The following DIXDC1 variants were observed in gnomAD, a reference collection of about 807,000 sequenced individuals.
DIXDC1 encodes dixin.
DIXDC1 carries 64 observed loss-of-function variants against 103.1 expected under a neutral mutation model. The observed-to-expected ratio is 0.62, with a 90% CI of 0.51 to 0.76. The LOEUF (loss-of-function observed/expected upper bound fraction) is 0.76. Among genes scored for constraint, DIXDC1 ranks in the 30% least tolerant of loss-of-function variants. The pLI, the probability that DIXDC1 is intolerant of heterozygous loss-of-function variation, is 0.00. For missense variants in DIXDC1, 759 were observed against 834.2 expected (o/e 0.91, Z 1.11); for synonymous variants, 266 against 298.5 (o/e 0.89, Z 1.12).
At chr11:112,016,321 T>C (rs1291686867) in intron 17 of DIXDC1, among the ~76,000 whole-genome samples, 2 of 152,156 alleles carry the variant, frequency 1.3e-5, no homozygotes, top group Non-Finnish European at 2.9e-5. Context: ...TATTCTCTAC[T>C]ACGGACCTCC....
chr11:111,994,953 A>AAT, intron 14 of DIXDC1, 66 bp from the exon 15 acceptor site: 29 of 1,446,120 alleles, frequency 2.0e-5, no homozygotes, highest in Non-Finnish European at 2.7e-5. Context: ...AAAGAAGAAA[A>AAT]ATAAGATAGC....
Position 111,977,279 on chromosome 11 carries a change from G to A in DIXDC1, c.656+2296G>A. Reference sequence around the variant, plus strand: ...CTGCCTCGCCGCGTGTGACAGCCCAGGGAGGGAGCAGAGGGTGGGGCGGGG... The same window carrying A: ...CTGCCTCGCCGCGTGTGACAGCCCAAGGAGGGAGCAGAGGGTGGGGCGGGG... On this transcript the variant is annotated intron_variant, in intron 5 of 19. Transcript: ENST00000440460. This position sits in a 1 kb window ranked among gnomAD's most constrained non-coding sequence, Gnocchi z 6.1. The A allele has an allele frequency of 9.8e-7, 1 of 1,022,260 alleles. No individual in the cohort carries two copies. Among genetic ancestry groups the A allele is most frequent in the South Asian group, 3.6e-5 (1 of 27,616 alleles). The allele number at this position is 1,022,260 out of a possible 1,614,324, so 63.3% of individuals were successfully genotyped here.
chr11:111,980,923 A>C, intron 6 of DIXDC1, 74 bp downstream of exon 6: 2 of 1,251,000 alleles, frequency 1.6e-6, no homozygotes, highest in Non-Finnish European at 2.3e-6. Flanking sequence ...CCCATCACCA[A>C]TAAGCTCCCT....
chr11:111,987,660 ATT>A (rs11397376), intron 9 of DIXDC1, among the ~76,000 whole-genome samples: 1 of 139,232 alleles, frequency 7.2e-6, no homozygotes, highest in Admixed American at 7.3e-5. Context: ...ATAGACATGA[ATT>A]TTTTTTTTTT....
chr11:111,993,275 G>A (rs587656186), intron 12 of DIXDC1, among the ~76,000 whole-genome samples: 1 of 152,244 alleles, frequency 6.6e-6, no homozygotes, highest in African/African-American at 2.4e-5. Context: ...ATGGCTCATA[G>A]TGGTCCTCCT....
chr11:111,942,732 C>T lies in DIXDC1; in HGVS notation c.60+5173C>T, dbSNP rs117478789. 4.2e-3 allele frequency among the ~76,000 whole-genome samples: 635 copies of T among 152,236 alleles called. 10 individuals are homozygous for T. Among genetic ancestry groups the T allele is most frequent in the East Asian group, 0.018 (93 of 5,182 alleles). The stretch of plus-strand genomic sequence containing the variant: ...GATATCTTTCAGAAAATCTTTAGCT[C>T]TTTACTTTCTGATATATTATCTTTT... On this transcript the variant is annotated intron_variant, in intron 1 of 19. Coordinates refer to ENST00000440460, the MANE Select transcript of DIXDC1 (RefSeq NM_001037954.4).
intron 3 of DIXDC1, among the ~76,000 whole-genome samples, chr11:111,972,631 C>A (rs1232958528): frequency 6.6e-6 from 1 of 152,232 alleles, no homozygotes; most frequent in African/African-American, 2.4e-5. Flanking sequence ...TGCTGCCTCA[C>A]CTTTCCCTGT....
At chr11:112,016,864 G>A (rs1210189117) in intron 18 of DIXDC1, 68 bp downstream of exon 18, 1 of 1,327,460 alleles carries the variant, frequency 7.5e-7, no homozygotes, top group African/African-American at 1.5e-5. Context: ...ATTAGTTACT[G>A]CCCACATGAG....
At chr11:111,991,751 C>G (rs1031449870) in intron 10 of DIXDC1, among the ~76,000 whole-genome samples, 18 of 152,138 alleles carry the variant, frequency 1.2e-4, no homozygotes, top group African/African-American at 4.3e-4. Context: ...GATCATGAAT[C>G]AAAGAACAGT....
chr11:112,000,505 T>C (rs1861033252), intron 17 of DIXDC1, among the ~76,000 whole-genome samples: 1 of 152,136 alleles, frequency 6.6e-6, no homozygotes. Flanking sequence ...GAGACCACCC[T>C]GGCCAATGTG....
At chr11:112,011,174 A>G (rs1861408506) in intron 17 of DIXDC1, among the ~76,000 whole-genome samples, 1 of 152,244 alleles carries the variant, frequency 6.6e-6, no homozygotes, top group Non-Finnish European at 1.5e-5. Context: ...AAAAGAAGAC[A>G]TTTCTGCAGC....
intron 9 of DIXDC1, 55 bp downstream of exon 9, chr11:111,986,979 G>A (rs1555173947): frequency 3.2e-5 from 47 of 1,457,862 alleles, no homozygotes; most frequent in Non-Finnish European, 1.7e-5. Flanking sequence ...GGCCAGGCAC[G>A]GTGGCTCGCG....
chr11:111,952,077 G>A (rs141989379), intron 1 of DIXDC1, among the ~76,000 whole-genome samples: 1 of 152,032 alleles, frequency 6.6e-6, no homozygotes, highest in Non-Finnish European at 1.5e-5. Flanking sequence ...TGTTGGGCAG[G>A]CTGGTCTTGA....
chr11:111,938,592 A>G (rs587697359), intron 1 of DIXDC1, among the ~76,000 whole-genome samples: 4 of 152,260 alleles, frequency 2.6e-5, no homozygotes, highest in African/African-American at 9.6e-5. Flanking sequence ...CCCCCCACCC[A>G]TTCCAGCCTT....
chr11:111,969,281 A>G (rs1221277148), intron 3 of DIXDC1, among the ~76,000 whole-genome samples: 4 of 151,992 alleles, frequency 2.6e-5, no homozygotes, highest in Non-Finnish European at 4.4e-5. Flanking sequence ...AAAAAGAGAG[A>G]AGAAATTACA....
At chr11:111,995,347 C>T in intron 15 of DIXDC1, 56 bp from the exon 16 acceptor site, 1 of 1,598,550 alleles carries the variant, frequency 6.3e-7, no homozygotes, top group Non-Finnish European at 8.5e-7. Context: ...CTTTTAAGCC[C>T]AGTGGTTGGG....
At chr11:111,979,525 GCT>G (rs1860228671) in intron 5 of DIXDC1, among the ~76,000 whole-genome samples, 1 of 152,178 alleles carries the variant, frequency 6.6e-6, no homozygotes, top group African/African-American at 2.4e-5. Context: ...AAGAGAGATG[GCT>G]CGAGACTCCT....
intron 2 of DIXDC1, among the ~76,000 whole-genome samples, chr11:111,930,840 CTTTCT>C (rs1185379325): frequency 7.3e-6 from 1 of 136,128 alleles, no homozygotes; most frequent in Non-Finnish European, 1.6e-5. Flanking sequence ...TTCTTTCTTT[CTTTCT>C]TTCCTTTTTT....
intron 5 of DIXDC1, among the ~76,000 whole-genome samples, chr11:111,978,473 C>T (rs1486801093): frequency 6.6e-6 from 1 of 152,094 alleles, no homozygotes; most frequent in East Asian, 1.9e-4. Flanking sequence ...ATGGTCTCAC[C>T]TCTCGGTGGC....
Sources: allele counts gnomAD v4.1 joint callset (sites outside exome capture counted in the v4.1 genomes callset), GRCh38; gene constraint gnomAD v4.1.1; non-coding constraint Gnocchi (gnomAD v3.1); transcripts MANE v1.5; gene names NCBI Gene and HGNC (gene_info 2026-07-23, HGNC 2026-07-21).